UQCC6: variants seen among roughly 807,000 people sequenced by gnomAD.
UQCC6 encodes the protein ubiquinol-cytochrome c reductase complex assembly factor 6, also known as protein BRAWNIN.
At chr12:103,960,695 C>A in the UQCC6 span, among the ~76,000 whole-genome samples, 1 of 152,146 alleles carries the variant, frequency 6.6e-6, no homozygotes. Context: ...ACATTTCAGT[C>A]AATGGACCAC....
the UQCC6 span, chr12:103,956,793 ACTACACCG>A: frequency 1.6e-6 from 2 of 1,288,902 alleles, no homozygotes; most frequent in African/African-American, 2.9e-5. Flanking sequence ...CCAGCTCACG[ACTACACCG>A]CGCCAGGGCT....
the UQCC6 span, among the ~76,000 whole-genome samples, chr12:103,959,178 G>T: frequency 3.3e-5 from 5 of 152,132 alleles, no homozygotes; most frequent in Admixed American, 6.5e-5. Flanking sequence ...CTTTGGAGCT[G>T]GTGTTTCCAG....
chr12:103,957,037 G>A, the UQCC6 span: 3 of 410,348 alleles, frequency 7.3e-6, no homozygotes, highest in Non-Finnish European at 1.4e-5. Context: ...GCGGAAAACC[G>A]ATACCAGGTC....
At chr12:103,954,999 T>G in the UQCC6 span, 13 of 699,904 alleles carry the variant, frequency 1.9e-5, no homozygotes, top group East Asian at 3.5e-4. Context: ...TTCAAAATTG[T>G]AGTGACAATT....
At chr12:103,951,722 T>C in the UQCC6 span, 1 of 672,358 alleles carries the variant, frequency 1.5e-6, no homozygotes, top group African/African-American at 1.8e-5. Context: ...GAGTAAAAAA[T>C]AACAAAAAGT....
chr12:103,953,788 T>A, the UQCC6 span: 1 of 541,152 alleles, frequency 1.8e-6, no homozygotes, highest in Admixed American at 3.1e-5. Context: ...AAGGTACAGG[T>A]AGCTGCTGTA....
chr12:103,955,013 T>C, the UQCC6 span: 6 of 696,362 alleles, frequency 8.6e-6, no homozygotes, highest in South Asian at 1.5e-5. Flanking sequence ...GACAATTAAC[T>C]GATGTTAAAA....
chr12:103,953,870 G>C, the UQCC6 span, among the ~76,000 whole-genome samples: 1 of 152,196 alleles, frequency 6.6e-6, no homozygotes, highest in African/African-American at 2.4e-5. Context: ...TCAAATCCCA[G>C]GCATTCCTTC....
chr12:103,964,862 C>T, the UQCC6 span, among the ~76,000 whole-genome samples: 8 of 152,184 alleles, frequency 5.3e-5, no homozygotes, highest in South Asian at 1.5e-3. Flanking sequence ...AAACGTTTCA[C>T]TCAAACTTTA....
chr12:103,959,311 G>A, the UQCC6 span, among the ~76,000 whole-genome samples: 1 of 152,244 alleles, frequency 6.6e-6, no homozygotes, highest in African/African-American at 2.4e-5. Context: ...TAAAATATAT[G>A]AGAAAGACTG....
the UQCC6 span, among the ~76,000 whole-genome samples, chr12:103,962,311 G>A: frequency 1.3e-5 from 2 of 152,016 alleles, no homozygotes; most frequent in South Asian, 2.1e-4. Flanking sequence ...TTTTAATAAA[G>A]TATAATTTAT....
chr12:103,960,119 G>C, the UQCC6 span, among the ~76,000 whole-genome samples: 487 of 151,768 alleles, frequency 3.2e-3, 3 homozygotes, highest in East Asian at 0.026. Flanking sequence ...AAACAGTCTC[G>C]CTCTGTCGCC....
chr12:103,961,952 T>C, the UQCC6 span, among the ~76,000 whole-genome samples: 2 of 152,216 alleles, frequency 1.3e-5, no homozygotes, highest in Non-Finnish European at 2.9e-5. Flanking sequence ...AGTAACATGC[T>C]GAACAGGTTT....
the UQCC6 span, chr12:103,957,103 C>G: frequency 3.8e-6 from 1 of 263,852 alleles, no homozygotes; most frequent in Non-Finnish European, 7.5e-6. Context: ...CTTCACTCCT[C>G]TCTGCCTCTA....
the UQCC6 span, chr12:103,954,574 C>T: frequency 1.4e-5 from 3 of 222,084 alleles, no homozygotes; most frequent in Admixed American, 5.9e-5. Context: ...ATGAGGGATT[C>T]GTCCCCATGA....
the UQCC6 span, chr12:103,956,713 G>T: frequency 6.4e-7 from 1 of 1,551,704 alleles, no homozygotes; most frequent in Non-Finnish European, 8.7e-7. Flanking sequence ...TTTCAGGTAG[G>T]TGGACATGGG....
At chr12:103,964,886 T>C in the UQCC6 span, among the ~76,000 whole-genome samples, 1 of 152,204 alleles carries the variant, frequency 6.6e-6, no homozygotes, top group African/African-American at 2.4e-5. Flanking sequence ...AGTTGATATA[T>C]TACAAAAATC....
At chr12:103,961,518 A>G in the UQCC6 span, among the ~76,000 whole-genome samples, 2 of 145,370 alleles carry the variant, frequency 1.4e-5, no homozygotes, top group Admixed American at 1.4e-4. Flanking sequence ...TACATTTTTT[A>G]TCTTTAATAC....
chr12:103,959,931 C>T, the UQCC6 span, among the ~76,000 whole-genome samples: 1 of 150,882 alleles, frequency 6.6e-6, no homozygotes. Flanking sequence ...GCCACCATGC[C>T]CAGCTAATTT....
Sources: allele counts gnomAD v4.1 joint callset (sites outside exome capture counted in the v4.1 genomes callset), GRCh38; gene constraint gnomAD v4.1.1; transcripts MANE v1.5; gene names NCBI Gene and HGNC (gene_info 2026-07-23, HGNC 2026-07-21).